Variants in MARCHF4 observed in about 807,000 individuals in gnomAD.
MARCHF4 encodes the protein E3 ubiquitin-protein ligase MARCHF4.
Under a neutral mutation model 43.9 loss-of-function variants are expected in MARCHF4, and 14 were observed. That is an observed-to-expected ratio of 0.32 (90% CI 0.21 to 0.50). The LOEUF is 0.50. Ranked by LOEUF, MARCHF4 falls within the 20% of genes least tolerant of loss-of-function variation. The pLI is 0.98. For synonymous variants in MARCHF4, 226 were observed against 213.3 expected, an observed-to-expected ratio of 1.06 and a Z score of -0.52; for missense variants, 468 against 536.7, an observed-to-expected ratio of 0.87 and a Z score of 1.27.
chr2:216,283,837 GC>G, intron 1 of MARCHF4, 108 bp from the exon 2 acceptor site: 1 of 1,223,242 alleles, frequency 8.2e-7, no homozygotes, highest in Non-Finnish European at 1.1e-6. Context: ...ACCCAAGTAG[GC>G]CACAGGCTTT....
At chr2:216,327,022 T>C (rs1055423205) in intron 1 of MARCHF4, among the ~76,000 whole-genome samples, 3 of 152,196 alleles carry the variant, frequency 2.0e-5, no homozygotes, top group Non-Finnish European at 4.4e-5. Context: ...TATAAGTTAC[T>C]GTGAGGATAA....
At chr2:216,274,555 C>A (rs1690992041) in intron 3 of MARCHF4, among the ~76,000 whole-genome samples, 1 of 152,202 alleles carries the variant, frequency 6.6e-6, no homozygotes, top group Non-Finnish European at 1.5e-5. Flanking sequence ...CCTCAAACCA[C>A]TGTCATCACT....
chr2:216,323,386 C>A (rs1217460167), intron 1 of MARCHF4, among the ~76,000 whole-genome samples: 2 of 152,132 alleles, frequency 1.3e-5, no homozygotes, highest in African/African-American at 4.8e-5. Flanking sequence ...ACTGCACTGT[C>A]AACATTAGAC....
At chr2:216,277,915 A>G in intron 2 of MARCHF4, 51 bp from the exon 3 acceptor site, 1 of 1,506,676 alleles carries the variant, frequency 6.6e-7, no homozygotes, top group Non-Finnish European at 9.0e-7. Context: ...CCCTTATCCC[A>G]TTCCCACCCC....
chr2:216,288,811 G>C (rs183355728), intron 1 of MARCHF4, among the ~76,000 whole-genome samples: 1 of 152,118 alleles, frequency 6.6e-6, no homozygotes, highest in Non-Finnish European at 1.5e-5. Context: ...ATACGAAGGC[G>C]TGTTGAGCTA....
rs1333438607 is a variant in MARCHF4, at chr2:216,285,541, C to A, written c.517-1812G>T. ...TCAATCCAATTTTGAGAGCTGAATG[C>A]ACGCATATCTGTTTTATGAACGAGA... On this transcript the variant is annotated intron_variant, in intron 1 of 3. Coordinates refer to ENST00000273067, the MANE Select transcript of MARCHF4 (RefSeq NM_020814.3). Among the ~76,000 whole-genome samples, 5 of 152,342 alleles carry A rather than the reference C, an allele frequency of 3.3e-5. No homozygotes were observed. In the East Asian group the frequency reaches 9.6e-4, roughly 29 times the overall value.
At chr2:216,291,390 G>A (rs564482891) in intron 1 of MARCHF4, among the ~76,000 whole-genome samples, 7 of 152,278 alleles carry the variant, frequency 4.6e-5, no homozygotes, top group African/African-American at 1.2e-4. Flanking sequence ...GAAGATTGGC[G>A]GGGGAGGTCC....
intron 1 of MARCHF4, among the ~76,000 whole-genome samples, chr2:216,321,241 G>A (rs984687520): frequency 7.2e-5 from 11 of 152,018 alleles, no homozygotes; most frequent in Admixed American, 7.2e-4. Flanking sequence ...TATTAAATTA[G>A]ATACCGACTA....
rs149694280 is a variant in MARCHF4 at position 216,362,310 on chromosome 2, C to T, written c.516+7435G>A. 1.4e-3 allele frequency among the ~76,000 whole-genome samples: 217 copies of T among 152,268 alleles called. 2 individuals are homozygous for T. Among genetic ancestry groups the T allele is most frequent in the African/African-American group, 4.5e-3 (185 of 41,544 alleles). ...CACACACACACAAATATGTCTTCTA[C>T]CACACATATACTAGGGACCAAAGAT... is the stretch of plus-strand genomic sequence containing the variant. On this transcript the variant is annotated intron_variant, in intron 1 of 3. Coordinates refer to ENST00000273067, the MANE Select transcript of MARCHF4 (RefSeq NM_020814.3).
intron 3 of MARCHF4, among the ~76,000 whole-genome samples, chr2:216,273,966 T>C (rs1690981240): frequency 6.6e-6 from 1 of 152,204 alleles, no homozygotes; most frequent in Non-Finnish European, 1.5e-5. Flanking sequence ...CACCCTGGGT[T>C]GGCATTCTGG....
chr2:216,341,766 T>A (rs4674078), intron 1 of MARCHF4, among the ~76,000 whole-genome samples: 3,488 of 151,976 alleles, frequency 0.023, 59 homozygotes, highest in Middle Eastern at 0.058. Flanking sequence ...AGTCCCAGGG[T>A]CTCCCCTACT....
At chr2:216,354,899 CTTTCTTTCTTTCTTTCTTTCT>C (rs1692460582) in intron 1 of MARCHF4, among the ~76,000 whole-genome samples, 3 of 44,790 alleles carry the variant, frequency 6.7e-5, no homozygotes, top group Non-Finnish European at 1.2e-4. Flanking sequence ...TGTTTTCTTT[CTTTCTTTCTTTCTTTCTTTCT>C]TTCTTTCTTT....
chr2:216,353,937 G>C (rs1692440813), intron 1 of MARCHF4, among the ~76,000 whole-genome samples: 1 of 152,184 alleles, frequency 6.6e-6, no homozygotes, highest in Admixed American at 6.5e-5. Flanking sequence ...GCATGTGTTG[G>C]AAGATAAGGA....
chr2:216,362,723 T>A (rs956847215), intron 1 of MARCHF4, among the ~76,000 whole-genome samples: 3 of 152,192 alleles, frequency 2.0e-5, no homozygotes, highest in Non-Finnish European at 2.9e-5. Flanking sequence ...GGATTTCAAA[T>A]TGTAACTTAC....
At chr2:216,300,350 G>GTATATATATATATATA (rs201683040) in intron 1 of MARCHF4, among the ~76,000 whole-genome samples, 11 of 115,802 alleles carry the variant, frequency 9.5e-5, no homozygotes, top group African/African-American at 3.5e-4. Flanking sequence ...ATATATATAT[G>GTATATATATATATATA]TATATATATA....
intron 1 of MARCHF4, among the ~76,000 whole-genome samples, chr2:216,311,857 A>G (rs1691692242): frequency 1.3e-5 from 2 of 152,174 alleles, no homozygotes; most frequent in South Asian, 2.1e-4. Flanking sequence ...AGGATTAGGT[A>G]TTATAATTTT....
chr2:216,299,600 A>G (rs1691455460), intron 1 of MARCHF4, among the ~76,000 whole-genome samples: 1 of 152,184 alleles, frequency 6.6e-6, no homozygotes, highest in Non-Finnish European at 1.5e-5. Flanking sequence ...GCCTTTTCCT[A>G]TCTTTTCATG....
chr2:216,365,464 G>A (rs536731268), intron 1 of MARCHF4, among the ~76,000 whole-genome samples: 169 of 152,248 alleles, frequency 1.1e-3, no homozygotes, highest in Middle Eastern at 6.8e-3. Flanking sequence ...GCTGGGAGGT[G>A]GATTCACCTC....
Position 216,259,517 on chromosome 2 carries a change from T to G in MARCHF4, c.1028A>C (p.Asn343Thr). 6.2e-7 allele frequency: 1 copy of G among 1,614,164 alleles called. No homozygotes were observed. The highest frequency in any genetic ancestry group is 8.5e-7 in the Non-Finnish European group (1 of 1,180,020). The change falls in exon 4 of 4, where the codon AAT (asparagine) becomes ACT (threonine). Residue 343 changes from asparagine to threonine, a missense_variant. Coordinates refer to ENST00000273067, the MANE Select transcript of MARCHF4 (RefSeq NM_020814.3). ...GGTCTCCTCTTCCGAGGAGGGGATATTGGCCTGGGTGGATGAGGAGGTCCG... is the reference window on the plus strand; with the variant it reads ...GGTCTCCTCTTCCGAGGAGGGGATAGTGGCCTGGGTGGATGAGGAGGTCCG... ...NPRTSSSTQA[N>T]IPSSEEETAG...
Sources: gnomAD v4.1 joint callset for allele counts (sites outside exome capture counted in the v4.1 genomes callset) on GRCh38, gnomAD v4.1.1 for gene constraint, MANE v1.5 for transcripts, NCBI Gene and HGNC (gene_info 2026-07-23, HGNC 2026-07-21) for gene names.